Variants in GRHL2 observed in about 807,000 individuals in gnomAD.
GRHL2 encodes grainyhead like transcription factor 2, also known as grainyhead-like protein 2 homolog.
GRHL2 carries 21 observed loss-of-function variants against 83.8 expected under a neutral mutation model. That is an observed-to-expected ratio of 0.25 (90% CI 0.18 to 0.36). The LOEUF (loss-of-function observed/expected upper bound fraction) is 0.36. Among genes scored for constraint, GRHL2 ranks in the 10% least tolerant of loss-of-function variants. GRHL2 has a pLI of 1.00. For missense variants in GRHL2, 623 were observed against 781.8 expected (o/e 0.80, Z 2.42); for synonymous variants, 280 against 278.9 (o/e 1.00, Z -0.04).
chr8:101,677,480 C>A, the GRHL2 span, among the ~76,000 whole-genome samples: 55 of 151,208 alleles, frequency 3.6e-4, no homozygotes, highest in African/African-American at 1.3e-3. Flanking sequence ...TCGGCTGCCA[C>A]TAAACACTGA....
chr8:101,581,200 G>A (rs1461954050), intron 7 of GRHL2, among the ~76,000 whole-genome samples: 1 of 152,170 alleles, frequency 6.6e-6, no homozygotes, highest in African/African-American at 2.4e-5. Context: ...TGGACTTCTT[G>A]GCTGCTGCTA....
At chr8:101,559,559 T>G (rs1299908805) in intron 4 of GRHL2, among the ~76,000 whole-genome samples, 5 of 151,686 alleles carry the variant, frequency 3.3e-5, no homozygotes, top group African/African-American at 1.2e-4. Flanking sequence ...CCAATAAAAC[T>G]TTAAAAAACC....
At chr8:101,616,364 T>C (rs1214250148) in intron 8 of GRHL2, among the ~76,000 whole-genome samples, 3 of 151,746 alleles carry the variant, frequency 2.0e-5, no homozygotes, top group Non-Finnish European at 1.5e-5. Flanking sequence ...AGAGATGGGG[T>C]TTCACCATGT....
chr8:101,508,445 G>T (rs958751509), intron 1 of GRHL2, among the ~76,000 whole-genome samples: 1 of 142,908 alleles, frequency 7.0e-6, no homozygotes, highest in African/African-American at 2.6e-5. Flanking sequence ...TAAATATATA[G>T]AGAGTATTTT....
chr8:101,573,650 GTT>G lies in GRHL2; in HGVS notation c.735-16_735-15del. ...GTCCAAGTGAGTGGATCTGACCGCTGTTTGTTTTCTTTCACAGTGGCACATTT... is the reference window on the plus strand; with the variant it reads ...GTCCAAGTGAGTGGATCTGACCGCTGTGTTTTCTTTCACAGTGGCACATTT... On this transcript the variant is annotated splice_polypyrimidine_tract_variant and intron_variant, in intron 5 of 15. Transcript: ENST00000646743. The G allele has an allele frequency of 6.2e-7, 1 of 1,614,124 alleles. No individual in the cohort carries two copies. The highest frequency in any genetic ancestry group is 8.5e-7 in the Non-Finnish European group (1 of 1,180,028).
intron 1 of GRHL2, among the ~76,000 whole-genome samples, chr8:101,508,560 C>A (rs1425101661): frequency 2.6e-5 from 4 of 152,134 alleles, no homozygotes; most frequent in African/African-American, 7.2e-5. Context: ...GATCTCTTCT[C>A]TCAGTACGTC....
chr8:101,671,961 T>C (rs553295257), downstream of GRHL2, among the ~76,000 whole-genome samples: 1 of 152,258 alleles, frequency 6.6e-6, no homozygotes, highest in African/African-American at 2.4e-5. Flanking sequence ...AGTGGACTTC[T>C]AGCAAACTCC....
In GRHL2 at chr8:101,668,050, C is replaced by A. The variant is rs1222936877; in HGVS notation, c.*1347C>A. 6.6e-6 allele frequency: 1 copy of A among 152,420 alleles called. No homozygotes were observed. The highest frequency in any genetic ancestry group is 2.4e-5 in the African/African-American group (1 of 41,430). The allele number at this position is 152,420 out of a possible 1,614,324, so 9.4% of individuals were successfully genotyped here. A position where few individuals can be genotyped will look rare whatever the true frequency, so the allele number is the denominator to read the frequency against. On this transcript the variant is annotated 3_prime_UTR_variant, in exon 16 of 16. Transcript: ENST00000646743. ...GAGTGAGAAAGAATGTGCCAAGATA[C>A]CTGGCTCCTGTGAAACCAGCCTCAG...
rs869272856 is a variant in GRHL2 at position 101,653,744 on chromosome 8, AAAAC to A, written c.1698+4249_1698+4252del. 4.8e-3 allele frequency among the ~76,000 whole-genome samples: 595 copies of A among 123,892 alleles called. 8 individuals are homozygous for A. In the East Asian group the frequency reaches 0.063, roughly 13 times the overall value. The allele number at this position is 123,892 out of a possible 152,430, so 81.3% of individuals were successfully genotyped here. On this transcript the variant is annotated intron_variant, in intron 14 of 15. Coordinates refer to ENST00000646743, the MANE Select transcript of GRHL2 (RefSeq NM_024915.4). ...GAGAGAGTGACTCTGTCTCAAAAAAAAAACAAAAACAAAAACAAAGATGCCATCC... is the reference window on the plus strand; with the variant it reads ...GAGAGAGTGACTCTGTCTCAAAAAAAAAAAACAAAAACAAAGATGCCATCC...
At chr8:101,565,182 A>G (rs1811690487) in intron 4 of GRHL2, among the ~76,000 whole-genome samples, 1 of 152,202 alleles carries the variant, frequency 6.6e-6, no homozygotes. Context: ...GAAACAAACC[A>G]AAGATCATGC....
intron 1 of GRHL2, among the ~76,000 whole-genome samples, chr8:101,515,845 T>C (rs1238585704): frequency 6.6e-6 from 1 of 152,184 alleles, no homozygotes; most frequent in East Asian, 1.9e-4. Flanking sequence ...TTTACAATAA[T>C]GTTAATATCA....
At chr8:101,669,995 A>AGTT (rs966918541), downstream of GRHL2, among the ~76,000 whole-genome samples, 2 of 152,110 alleles carry the variant, frequency 1.3e-5, no homozygotes, top group Non-Finnish European at 2.9e-5. Context: ...TTGGGCAGGG[A>AGTT]GTTGGTTCTG....
chr8:101,586,157 G>T (rs1812165260), intron 7 of GRHL2, among the ~76,000 whole-genome samples: 1 of 143,216 alleles, frequency 7.0e-6, no homozygotes. Flanking sequence ...TCGGCTCACT[G>T]CAAGCTCCGC....
chr8:101,618,034 A>G (rs573068335), intron 8 of GRHL2, among the ~76,000 whole-genome samples: 3 of 152,366 alleles, frequency 2.0e-5, no homozygotes, highest in African/African-American at 7.2e-5. Context: ...TATTTTAAAT[A>G]AAAAGAATAC....
At chr8:101,628,390 A>C (rs1012267796) in intron 9 of GRHL2, among the ~76,000 whole-genome samples, 1 of 151,976 alleles carries the variant, frequency 6.6e-6, no homozygotes, top group Non-Finnish European at 1.5e-5. Context: ...CTTCATTTTA[A>C]GCCCACTGTT....
intron 6 of GRHL2, among the ~76,000 whole-genome samples, chr8:101,576,084 A>C: frequency 6.6e-6 from 1 of 152,248 alleles, no homozygotes; most frequent in South Asian, 2.1e-4. Context: ...TGCCAGGGTG[A>C]ATGGCAGACA....
At chr8:101,598,581 ATTTTTT>A (rs61519476) in intron 7 of GRHL2, among the ~76,000 whole-genome samples, 58 of 117,650 alleles carry the variant, frequency 4.9e-4, no homozygotes, top group African/African-American at 1.4e-3. Context: ...GGTCTCCTGA[ATTTTTT>A]TTTTTTTTTT....
chr8:101,589,099 G>C (rs1043310668), intron 7 of GRHL2, among the ~76,000 whole-genome samples: 1 of 152,142 alleles, frequency 6.6e-6, no homozygotes, highest in Non-Finnish European at 1.5e-5. Context: ...ACTCCCAAGA[G>C]TGTCAGTATA....
intron 1 of GRHL2, among the ~76,000 whole-genome samples, chr8:101,533,273 T>C (rs1156320802): frequency 6.6e-6 from 1 of 152,234 alleles, no homozygotes; most frequent in Non-Finnish European, 1.5e-5. Context: ...CATAGCACTT[T>C]ATAGCTCAAA....
Sources: gnomAD v4.1 joint callset for allele counts (sites outside exome capture counted in the v4.1 genomes callset) on GRCh38, gnomAD v4.1.1 for gene constraint, MANE v1.5 for transcripts, NCBI Gene and HGNC (gene_info 2026-07-23, HGNC 2026-07-21) for gene names.